Variants in STXBP4 observed in about 807,000 individuals in gnomAD.
STXBP4 encodes the protein syntaxin-binding protein 4.
A neutral mutation model predicts 76.1 loss-of-function variants in STXBP4; 55 were observed. The ratio of observed to expected loss-of-function variants is 0.72; its 90% CI spans 0.58 to 0.91. The LOEUF (loss-of-function observed/expected upper bound fraction) is 0.91, where lower values mean the gene tolerates loss of function less well. Ranked by LOEUF, STXBP4 falls within the 40% of genes least tolerant of loss-of-function variation. The pLI is 0.00. For synonymous variants in STXBP4, 201 were observed against 220.2 expected (o/e 0.91, Z 0.77); for missense variants, 618 against 636.9 (o/e 0.97, Z 0.32).
chr17:54,969,689 C>T (rs1455113032), intron 1 of STXBP4, among the ~76,000 whole-genome samples: 2 of 152,190 alleles, frequency 1.3e-5, no homozygotes, highest in African/African-American at 2.4e-5. Flanking sequence ...GTATAATTAT[C>T]CCCACTATGT....
intron 8 of STXBP4, among the ~76,000 whole-genome samples, chr17:55,019,656 G>A (rs1322162534): frequency 1.3e-5 from 2 of 151,994 alleles, no homozygotes; most frequent in Admixed American, 6.5e-5. Flanking sequence ...GACGTTTTGG[G>A]TGGTCATTTT....
At chr17:54,989,837 T>C (rs2077687118) in intron 3 of STXBP4, among the ~76,000 whole-genome samples, 1 of 152,250 alleles carries the variant, frequency 6.6e-6, no homozygotes, top group Non-Finnish European at 1.5e-5. Context: ...CTTTTATGTC[T>C]GACAGAAATT....
chr17:55,092,116 G>A (rs971203355), intron 16 of STXBP4, among the ~76,000 whole-genome samples: 1 of 152,090 alleles, frequency 6.6e-6, no homozygotes, highest in African/African-American at 2.4e-5. Flanking sequence ...ATATGAGGAC[G>A]CAAAGACTAA....
the STXBP4 span, among the ~76,000 whole-genome samples, chr17:55,197,166 A>G: frequency 0.012 from 1,876 of 152,358 alleles, 18 homozygotes; most frequent in Non-Finnish European, 0.016. Flanking sequence ...ATGGGAAGGC[A>G]GGCATGATTT....
the STXBP4 span, among the ~76,000 whole-genome samples, chr17:55,185,326 T>TCCTC: frequency 3.2e-4 from 24 of 74,688 alleles, no homozygotes; most frequent in African/African-American, 1.1e-3. Flanking sequence ...TCCTTCTCCT[T>TCCTC]CTCCTCCTCC....
Position 55,162,025 on chromosome 17 carries a change from AT to A in STXBP4, c.*2116del, listed in dbSNP as rs1365961706. On this transcript the variant is annotated 3_prime_UTR_variant, in exon 18 of 18. Transcript: ENST00000376352. ...CAGTGTCATAAGGAACTTTCTAGTA[AT>A]TAGAGCTGATAAGAAAAGAATTCCC... The A allele has an allele frequency of 6.6e-6, 1 of 152,208 alleles. No homozygotes were observed. Among genetic ancestry groups the A allele is most frequent in the Non-Finnish European group, 1.5e-5 (1 of 68,042 alleles). The allele number at this position is 152,208 out of a possible 1,614,324, so 9.4% of individuals were successfully genotyped here. A position where few individuals can be genotyped will look rare whatever the true frequency, so the allele number is the denominator to read the frequency against.
intron 17 of STXBP4, among the ~76,000 whole-genome samples, chr17:55,145,676 C>T (rs1227880850): frequency 1.3e-5 from 2 of 152,118 alleles, no homozygotes; most frequent in South Asian, 2.1e-4. Flanking sequence ...GTGTTGGCAT[C>T]GCTACAGCCA....
intron 16 of STXBP4, among the ~76,000 whole-genome samples, chr17:55,114,947 C>A (rs75650956): frequency 0.011 from 1,613 of 152,026 alleles, 11 homozygotes; most frequent in Non-Finnish European, 0.017. Flanking sequence ...AATTGAAGTA[C>A]ATATAGTATC....
intron 17 of STXBP4, among the ~76,000 whole-genome samples, chr17:55,153,802 T>C (rs533917491): frequency 6.9e-4 from 105 of 152,360 alleles, no homozygotes; most frequent in African/African-American, 2.4e-3. Flanking sequence ...TGAACTTGTT[T>C]CCAGTTAAAT....
intron 3 of STXBP4, among the ~76,000 whole-genome samples, chr17:54,987,910 G>A (rs1194195139): frequency 1.3e-5 from 2 of 152,110 alleles, no homozygotes; most frequent in Non-Finnish European, 2.9e-5. Context: ...GTGAGTAGTA[G>A]TATCTCTGCA....
At chr17:54,992,010 T>A (rs1478054114) in intron 4 of STXBP4, among the ~76,000 whole-genome samples, 1 of 152,080 alleles carries the variant, frequency 6.6e-6, no homozygotes, top group Non-Finnish European at 1.5e-5. Flanking sequence ...TTTTGTCTTG[T>A]TAGGGAAAAA....
Position 55,117,764 on chromosome 17 carries a change from A to G in STXBP4, c.1490-23546A>G, listed in dbSNP as rs142871363. Among the ~76,000 whole-genome samples, 508 of 152,078 alleles carry G rather than the reference A, an allele frequency of 3.3e-3. 2 individuals are homozygous for G. The highest frequency in any genetic ancestry group is 0.011 in the African/African-American group (473 of 41,542). ...TTTAGCATTTATTTGAATTGTTGCC[A>G]TAGTCTCAGAGCATTAGTGTAAAAC... On this transcript the variant is annotated intron_variant, in intron 16 of 17. Transcript: ENST00000376352.
At chr17:55,153,882 C>T (rs988940868) in intron 17 of STXBP4, among the ~76,000 whole-genome samples, 3 of 152,060 alleles carry the variant, frequency 2.0e-5, no homozygotes, top group Non-Finnish European at 4.4e-5. Context: ...AAATATATAG[C>T]TATTACTTAT....
At chr17:55,144,212 T>C (rs902138102) in intron 17 of STXBP4, among the ~76,000 whole-genome samples, 1 of 152,170 alleles carries the variant, frequency 6.6e-6, no homozygotes, top group African/African-American at 2.4e-5. Flanking sequence ...CTTCCAGAGA[T>C]TAAAAAAGTC....
At chr17:55,202,575 G>A in the STXBP4 span, among the ~76,000 whole-genome samples, 1 of 152,066 alleles carries the variant, frequency 6.6e-6, no homozygotes, top group Non-Finnish European at 1.5e-5. Context: ...CAGGTAGTAA[G>A]AGGAATAAAA....
chr17:55,159,704 T>G (rs751477399), intron 17 of STXBP4, 93 bp from the exon 18 acceptor site: 45 of 737,642 alleles, frequency 6.1e-5, no homozygotes, highest in Non-Finnish European at 8.6e-5. Context: ...GGGACTTTAC[T>G]AGGGTAGAAG....
rs3080154 is a variant in STXBP4 at position 55,011,508 on chromosome 17, C to CTTTTTTTTTTTTTTTTTT, written c.666+3928_666+3929insTTTTTTTTTTTTTTTTTT. On this transcript the variant is annotated intron_variant, in intron 8 of 17. Transcript: ENST00000376352. ...GGATCAAAGAGTTTATTTTCTTTTTCTTTTTTTTTTTTTTTTTGCAGTTGC... is the reference window on the plus strand; with the variant it reads ...GGATCAAAGAGTTTATTTTCTTTTTCTTTTTTTTTTTTTTTTTTTTTTTTTTTTTTTTTTTGCAGTTGC... Among the ~76,000 whole-genome samples, 20 of 85,920 alleles carry CTTTTTTTTTTTTTTTTTT rather than the reference C, an allele frequency of 2.3e-4. 1 individual carries two copies. The highest frequency in any genetic ancestry group is 4.6e-4 in the South Asian group (1 of 2,164). 56.4% of individuals were successfully genotyped at this position (85,920 alleles called of 152,430 possible). A position where few individuals can be genotyped will look rare whatever the true frequency, so the allele number is the denominator to read the frequency against.
intron 10 of STXBP4, among the ~76,000 whole-genome samples, chr17:55,040,131 G>A (rs1192220039): frequency 6.6e-6 from 1 of 152,054 alleles, no homozygotes; most frequent in Non-Finnish European, 1.5e-5. Context: ...TGAGATATTA[G>A]AATATCACAA....
rs551978844 is a variant in STXBP4, at chr17:55,106,149, G to T, written c.1489+24966G>T. 1.1e-3 allele frequency among the ~76,000 whole-genome samples: 170 copies of T among 152,182 alleles called. 1 individual carries two copies. The highest frequency in any genetic ancestry group is 3.7e-3 in the Admixed American group (57 of 15,284). Reference sequence around the variant, plus strand: ...ATGAGTCTGGGTGCTCCTGTATTGGGTGCATATATATTTAGGATAGTTAGC... The same window carrying T: ...ATGAGTCTGGGTGCTCCTGTATTGGTTGCATATATATTTAGGATAGTTAGC... On this transcript the variant is annotated intron_variant, in intron 16 of 17. Coordinates refer to ENST00000376352, the MANE Select transcript of STXBP4 (RefSeq NM_178509.6).
Sources: gnomAD v4.1 joint callset for allele counts (sites outside exome capture counted in the v4.1 genomes callset) on GRCh38, gnomAD v4.1.1 for gene constraint, MANE v1.5 for transcripts, NCBI Gene and HGNC (gene_info 2026-07-23, HGNC 2026-07-21) for gene names.